JPH3: variants seen among roughly 807,000 people sequenced by gnomAD.
JPH3 encodes junctophilin-3.
A neutral mutation model predicts 59.6 loss-of-function variants in JPH3; 11 were observed. The ratio of observed to expected loss-of-function variants is 0.18; its 90% CI spans 0.12 to 0.31. The LOEUF is 0.31. Among genes scored for constraint, JPH3 ranks in the 10% least tolerant of loss-of-function variants. The probability of loss-of-function intolerance (pLI) is 1.00; values close to 1 mark genes in which losing one functional copy is unlikely to be tolerated. For synonymous variants in JPH3, 673 were observed against 483.6 expected (o/e 1.39, Z -5.14); for missense variants, 1,202 against 1,105.7 (o/e 1.09, Z -1.24).
At chr16:87,630,237 C>G (rs1317761868) in intron 1 of JPH3, among the ~76,000 whole-genome samples, 3 of 152,214 alleles carry the variant, frequency 2.0e-5, no homozygotes, top group Non-Finnish European at 2.9e-5. Context: ...TGCTGCCCAC[C>G]TCTGGGGCCA....
At chr16:87,664,017 C>T (rs1356666013) in intron 2 of JPH3, among the ~76,000 whole-genome samples, 3 of 152,176 alleles carry the variant, frequency 2.0e-5, no homozygotes, top group Admixed American at 2.0e-4. Context: ...GAAATATGCG[C>T]TGAAGTACTC....
At chr16:87,695,788 G>A (rs1198566153) in intron 4 of JPH3, 8 of 455,980 alleles carry the variant, frequency 1.8e-5, no homozygotes, top group Non-Finnish European at 3.5e-5. Context: ...CACTGCAGAA[G>A]GGCGCCCCCG....
intron 2 of JPH3, among the ~76,000 whole-genome samples, chr16:87,679,126 C>A (rs1272470454): frequency 6.6e-6 from 1 of 152,192 alleles, no homozygotes; most frequent in Non-Finnish European, 1.5e-5. Context: ...CCCCAGCTGG[C>A]CAGGCTCAGC....
intron 2 of JPH3, among the ~76,000 whole-genome samples, chr16:87,668,614 C>T (rs1260177399): frequency 1.3e-5 from 2 of 152,170 alleles, no homozygotes; most frequent in Non-Finnish European, 2.9e-5. Context: ...TGAGCTGAGC[C>T]AGGGCACGGG....
chr16:87,637,480 T>G (rs2031795034), intron 1 of JPH3, among the ~76,000 whole-genome samples: 1 of 151,944 alleles, frequency 6.6e-6, no homozygotes, highest in Non-Finnish European at 1.5e-5. Context: ...TCTGTTCTCA[T>G]TTTGCGCCGG....
Position 87,676,935 on chromosome 16 carries a change from G to A in JPH3, c.1161-7207G>A, listed in dbSNP as rs185029696. On this transcript the variant is annotated intron_variant, in intron 2 of 4. Transcript: ENST00000284262. ...GCCTGTAATCCCAGCACTTGGGGAGGCTGAAGTGGGCGGATCACGAGGTCA... is the reference window on the plus strand; with the variant it reads ...GCCTGTAATCCCAGCACTTGGGGAGACTGAAGTGGGCGGATCACGAGGTCA... 2.0e-3 allele frequency among the ~76,000 whole-genome samples: 307 copies of A among 151,920 alleles called. 3 individuals are homozygous for A. The highest frequency in any genetic ancestry group is 8.4e-3 in the Admixed American group (129 of 15,270).
At position 87,633,840 on chromosome 16, in the gene JPH3, G is replaced by A. The variant is rs143220796; in HGVS notation, c.383-10418G>A. Among the ~76,000 whole-genome samples the A allele has an allele frequency of 6.9e-3, 1,052 of 152,138 alleles. 12 individuals carry two copies. Among genetic ancestry groups the A allele is most frequent in the African/African-American group, 0.025 (1,024 of 41,500 alleles). On this transcript the variant is annotated intron_variant, in intron 1 of 4. Transcript: ENST00000284262. Reference sequence around the variant, plus strand: ...TGGTGTTGGTAGTAACGATGTAGGGGACATGGTCTCTCTTATAGTCTTTTC... The same window carrying A: ...TGGTGTTGGTAGTAACGATGTAGGGAACATGGTCTCTCTTATAGTCTTTTC...
chr16:87,685,757 C>T (rs2033402225), intron 3 of JPH3, among the ~76,000 whole-genome samples: 1 of 152,254 alleles, frequency 6.6e-6, no homozygotes, highest in Non-Finnish European at 1.5e-5. Context: ...ACTCACATTC[C>T]ACTGCCTGCG....
At chr16:87,625,970 G>T (rs1467186395) in intron 1 of JPH3, among the ~76,000 whole-genome samples, 1 of 152,222 alleles carries the variant, frequency 6.6e-6, no homozygotes, top group African/African-American at 2.4e-5. Flanking sequence ...CAGGCCAGGG[G>T]CTCAGAAGTT....
chr16:87,676,676 G>A (rs1329723676), intron 2 of JPH3, among the ~76,000 whole-genome samples: 1 of 152,006 alleles, frequency 6.6e-6, no homozygotes, highest in Non-Finnish European at 1.5e-5. Flanking sequence ...GGAGCTCGCA[G>A]TGAGCTGAGA....
At chr16:87,672,021 C>T (rs2033029753) in intron 2 of JPH3, among the ~76,000 whole-genome samples, 1 of 152,094 alleles carries the variant, frequency 6.6e-6, no homozygotes, top group African/African-American at 2.4e-5. Flanking sequence ...CAGTCCCAGG[C>T]AGGTGTAGGG....
chr16:87,694,009 A>C (rs901145108), intron 4 of JPH3: 3 of 152,222 alleles, frequency 2.0e-5, no homozygotes, highest in African/African-American at 7.2e-5. Flanking sequence ...CCTCCCGAGG[A>C]AGCTGTGCCA....
chr16:87,676,155 C>T lies in JPH3; in HGVS notation c.1161-7987C>T, dbSNP rs539358090. Among the ~76,000 whole-genome samples the T allele has an allele frequency of 5.9e-5, 9 of 152,324 alleles. 1 individual carries two copies. In the South Asian group the frequency reaches 1.0e-3, roughly 18 times the overall value. On this transcript the variant is annotated intron_variant, in intron 2 of 4. Transcript: ENST00000284262. ...GAGTGTAATTGCTGTCTTCTTAGAA[C>T]GTGTGGCCATGGAAATGTGCTCTTT...
intron 2 of JPH3, among the ~76,000 whole-genome samples, chr16:87,647,188 C>T (rs1164527884): frequency 6.7e-6 from 1 of 148,894 alleles, no homozygotes; most frequent in African/African-American, 2.4e-5. Flanking sequence ...TATAAGTGGG[C>T]ATCATGCTGG....
chr16:87,623,268 T>C (rs2031255668), intron 1 of JPH3, among the ~76,000 whole-genome samples: 1 of 152,302 alleles, frequency 6.6e-6, no homozygotes, highest in African/African-American at 2.4e-5. Flanking sequence ...TCGGAGCCAG[T>C]ATCCATAGAG....
At chr16:87,637,465 C>T (rs1469285642) in intron 1 of JPH3, among the ~76,000 whole-genome samples, 2 of 150,672 alleles carry the variant, frequency 1.3e-5, no homozygotes, top group Non-Finnish European at 1.5e-5. Flanking sequence ...GCTTGTGGTA[C>T]GGGGTCTGTT....
At chr16:87,633,229 C>G (rs1460418500) in intron 1 of JPH3, among the ~76,000 whole-genome samples, 2 of 152,056 alleles carry the variant, frequency 1.3e-5, no homozygotes, top group Admixed American at 6.6e-5. Context: ...GGGCTTGTCC[C>G]TCTGTATGCC....
rs141182321 is a variant in JPH3, at chr16:87,653,333, C to A, written c.1160+8298C>A. Among the ~76,000 whole-genome samples, 36 of 152,294 alleles carry A rather than the reference C, an allele frequency of 2.4e-4. No homozygotes were observed. The East Asian group carries it at 6.8e-3, about 29-fold the overall frequency. ...CTGTGCCTTGGGGCCCCTGCCTGTCCCCGCTCTGCTCTCTGCTGTGGCTTG... is the reference window on the plus strand; with the variant it reads ...CTGTGCCTTGGGGCCCCTGCCTGTCACCGCTCTGCTCTCTGCTGTGGCTTG... On this transcript the variant is annotated intron_variant, in intron 2 of 4. Transcript: ENST00000284262.
intron 2 of JPH3, among the ~76,000 whole-genome samples, chr16:87,663,697 C>T (rs2032774430): frequency 1.3e-5 from 2 of 152,178 alleles, no homozygotes; most frequent in African/African-American, 4.8e-5. Context: ...ACAACTTCCC[C>T]GTCTCCACTG....
Sources: gnomAD v4.1 joint callset for allele counts (sites outside exome capture counted in the v4.1 genomes callset) on GRCh38, gnomAD v4.1.1 for gene constraint, MANE v1.5 for transcripts, NCBI Gene and HGNC (gene_info 2026-07-23, HGNC 2026-07-21) for gene names.